The following NPAS3 variants were observed in gnomAD, a reference collection of about 807,000 sequenced individuals.
The protein encoded by NPAS3 is neuronal PAS domain protein 3.
In NPAS3, 14 loss-of-function variants were observed where a neutral mutation model predicts 73.1. The observed-to-expected ratio is 0.19, with a 90% CI of 0.13 to 0.30. The LOEUF (loss-of-function observed/expected upper bound fraction) is 0.30, where lower values mean the gene tolerates loss of function less well. Ranked by LOEUF, NPAS3 falls within the 10% of genes least tolerant of loss-of-function variation. The pLI, the probability that NPAS3 is intolerant of heterozygous loss-of-function variation, is 1.00. For synonymous variants in NPAS3, 620 were observed against 541.5 expected (o/e 1.14, Z -2.01); for missense variants, 1,096 against 1,250.0 (o/e 0.88, Z 1.86).
chr14:33,691,453 T>C (rs1016147711), intron 6 of NPAS3, among the ~76,000 whole-genome samples: 1 of 152,234 alleles, frequency 6.6e-6, no homozygotes, highest in African/African-American at 2.4e-5. Flanking sequence ...TTGATTAATT[T>C]TCATTTGTTC....
chr14:33,414,557 T>C (rs1594865752), intron 4 of NPAS3, among the ~76,000 whole-genome samples: 1 of 152,292 alleles, frequency 6.6e-6, no homozygotes, highest in Admixed American at 6.5e-5. Context: ...AAGTTTTACT[T>C]CAAATTTAAG....
At chr14:33,058,237 G>A (rs1037210633) in intron 2 of NPAS3, among the ~76,000 whole-genome samples, 3 of 152,150 alleles carry the variant, frequency 2.0e-5, no homozygotes. Context: ...CAGGGTCACA[G>A]GGCTGCAGTG....
intron 4 of NPAS3, among the ~76,000 whole-genome samples, chr14:33,431,781 C>T (rs1260313823): frequency 3.9e-5 from 6 of 151,944 alleles, no homozygotes; most frequent in African/African-American, 1.5e-4. Context: ...CTGTTGAGAA[C>T]TCCCAAATTA....
chr14:33,688,818 C>T lies in NPAS3; in HGVS notation c.733+12433C>T, dbSNP rs1218257487. On this transcript the variant is annotated intron_variant, in intron 6 of 11. Coordinates refer to ENST00000356141, the Ensembl canonical transcript of NPAS3. ...CAGAGCATGGAAGTCTCTGGTTTTT[C>T]CATCCATGATAACAATACAGCAGTA... 7.2e-5 allele frequency among the ~76,000 whole-genome samples: 11 copies of T among 152,300 alleles called. No homozygotes were observed. In the East Asian group the frequency reaches 1.9e-3, roughly 27 times the overall value.
intron 4 of NPAS3, among the ~76,000 whole-genome samples, chr14:33,506,894 T>C (rs1362762713): frequency 2.0e-5 from 3 of 152,072 alleles, no homozygotes; most frequent in African/African-American, 7.2e-5. Context: ...TCACTCCTTC[T>C]TGACTTTTAA....
intron 2 of NPAS3, among the ~76,000 whole-genome samples, chr14:33,133,778 C>T (rs533086371): frequency 6.6e-6 from 1 of 152,118 alleles, no homozygotes; most frequent in African/African-American, 2.4e-5. Flanking sequence ...TAGAGGTTTA[C>T]AAGCTTTAAA....
chr14:33,274,474 C>T (rs577864934), intron 3 of NPAS3, among the ~76,000 whole-genome samples: 2 of 152,288 alleles, frequency 1.3e-5, no homozygotes, highest in East Asian at 3.9e-4. Context: ...CCTCCCATAT[C>T]TAGCTGGCTT....
At chr14:32,995,712 G>A (rs943389231) in intron 1 of NPAS3, among the ~76,000 whole-genome samples, 2 of 152,356 alleles carry the variant, frequency 1.3e-5, no homozygotes, top group African/African-American at 4.8e-5. Flanking sequence ...CATGTAAGAT[G>A]TGACTTGCTC....
intron 7 of NPAS3, among the ~76,000 whole-genome samples, chr14:33,749,180 T>G (rs2061888459): frequency 6.6e-6 from 1 of 152,188 alleles, no homozygotes; most frequent in Admixed American, 6.5e-5. Flanking sequence ...GAAATACTCC[T>G]TTGCCTCATT....
intron 2 of NPAS3, chr14:33,214,402 T>C (rs2047144602): frequency 6.6e-6 from 1 of 152,176 alleles, no homozygotes; most frequent in Non-Finnish European, 1.5e-5. Context: ...ATAATGTTTA[T>C]AAATTTTAAT....
At chr14:32,965,564 C>T (rs928637595) in intron 1 of NPAS3, among the ~76,000 whole-genome samples, 3 of 152,076 alleles carry the variant, frequency 2.0e-5, no homozygotes, top group African/African-American at 7.2e-5. Flanking sequence ...TATCTCAACA[C>T]AATAAGGACC....
chr14:33,456,935 G>C (rs114549853), intron 4 of NPAS3, among the ~76,000 whole-genome samples: 1 of 152,120 alleles, frequency 6.6e-6, no homozygotes, highest in Non-Finnish European at 1.5e-5. Context: ...GACTTCCTCC[G>C]CCTCACCTGC....
chr14:33,033,209 T>C (rs2040053826), intron 1 of NPAS3, among the ~76,000 whole-genome samples: 1 of 152,162 alleles, frequency 6.6e-6, no homozygotes, highest in African/African-American at 2.4e-5. Context: ...CAGGTGTGGG[T>C]GACTCACATC....
chr14:33,684,274 A>C (rs1487056565), intron 6 of NPAS3, among the ~76,000 whole-genome samples: 1 of 151,510 alleles, frequency 6.6e-6, no homozygotes, highest in Non-Finnish European at 1.5e-5. Context: ...AAATAATCTA[A>C]TCTATCTAAT....
chr14:33,204,314 C>G (rs1179449122), intron 2 of NPAS3, among the ~76,000 whole-genome samples: 1 of 152,050 alleles, frequency 6.6e-6, no homozygotes, highest in Non-Finnish European at 1.5e-5. Context: ...TAGTCTCATG[C>G]CATAGAGCCA....
downstream of NPAS3, chr14:33,801,321 C>A (rs1038876238): frequency 3.7e-5 from 34 of 922,854 alleles, no homozygotes; most frequent in African/African-American, 4.8e-4. Context: ...GTCAGACGAC[C>A]AGTTGCCTGC....
chr14:33,526,211 A>G (rs948196058), intron 4 of NPAS3, among the ~76,000 whole-genome samples: 16 of 151,376 alleles, frequency 1.1e-4, no homozygotes, highest in African/African-American at 1.5e-4. Context: ...CTTTCACTCT[A>G]CTTCAGCTGG....
chr14:33,007,849 G>A (rs542823466), intron 1 of NPAS3, among the ~76,000 whole-genome samples: 129 of 152,310 alleles, frequency 8.5e-4, no homozygotes, highest in Middle Eastern at 3.4e-3. Flanking sequence ...GTAAAAGAAT[G>A]AGTGTGGCTG....
At chr14:33,333,278 C>T (rs138409512) in intron 3 of NPAS3, among the ~76,000 whole-genome samples, 2,026 of 152,242 alleles carry the variant, frequency 0.013, 41 homozygotes, top group African/African-American at 0.046. Flanking sequence ...TATGTGTCTA[C>T]TATATGCTTT....
Sources: allele counts gnomAD v4.1 joint callset (sites outside exome capture counted in the v4.1 genomes callset), GRCh38; gene constraint gnomAD v4.1.1; transcripts MANE v1.5; gene names NCBI Gene and HGNC (gene_info 2026-07-23, HGNC 2026-07-21).